Variants in LOC128462377 observed in about 807,000 individuals in gnomAD.
At chr16:89,396,366 G>A in the LOC128462377 span, among the ~76,000 whole-genome samples, 2 of 152,210 alleles carry the variant, frequency 1.3e-5, no homozygotes, top group African/African-American at 2.4e-5. Context: ...ACACACACGC[G>A]ACGGAGCCGC....
At chr16:89,407,299 C>T in the LOC128462377 span, among the ~76,000 whole-genome samples, 1 of 151,190 alleles carries the variant, frequency 6.6e-6, no homozygotes, top group Non-Finnish European at 1.5e-5. Context: ...ATAAGGAACA[C>T]GGGGGGAAAA....
At chr16:89,325,213 G>A in the LOC128462377 span, 1 of 152,278 alleles carries the variant, frequency 6.6e-6, no homozygotes, top group African/African-American at 2.4e-5. Context: ...CACAGCAGAG[G>A]AGGCAAACAC....
chr16:89,350,551 C>A, the LOC128462377 span, among the ~76,000 whole-genome samples: 2 of 152,166 alleles, frequency 1.3e-5, no homozygotes, highest in African/African-American at 4.8e-5. Context: ...ACACAAGAGT[C>A]CACACTCAAT....
chr16:89,415,456 G>A, the LOC128462377 span, among the ~76,000 whole-genome samples: 2 of 149,792 alleles, frequency 1.3e-5, no homozygotes, highest in African/African-American at 5.0e-5. Flanking sequence ...AGTAGAGACG[G>A]GGTTTCACCG....
the LOC128462377 span, chr16:89,324,660 C>T: frequency 2.7e-6 from 1 of 374,772 alleles, no homozygotes; most frequent in Non-Finnish European, 5.3e-6. Context: ...ATCTTTCTTC[C>T]ATGCTGGATA....
chr16:89,404,838 A>C, the LOC128462377 span, among the ~76,000 whole-genome samples: 50,549 of 152,184 alleles, frequency 0.33, 10,831 homozygotes, highest in Middle Eastern at 0.55. Flanking sequence ...CGCTGAATGT[A>C]CTACACAATA....
the LOC128462377 span, among the ~76,000 whole-genome samples, chr16:89,362,603 T>C: frequency 1.1e-3 from 169 of 152,166 alleles, no homozygotes; most frequent in African/African-American, 3.9e-3. Flanking sequence ...TAAAAATAAA[T>C]AGTAACTTCT....
the LOC128462377 span, among the ~76,000 whole-genome samples, chr16:89,403,466 G>A: frequency 6.6e-6 from 1 of 152,038 alleles, no homozygotes; most frequent in African/African-American, 2.4e-5. Context: ...GCGAGGCCCC[G>A]CGCTCTGGGA....
the LOC128462377 span, among the ~76,000 whole-genome samples, chr16:89,330,872 C>T: frequency 6.6e-6 from 1 of 152,146 alleles, no homozygotes; most frequent in Non-Finnish European, 1.5e-5. Flanking sequence ...TGATTAAAAC[C>T]TGGTAATTTG....
At chr16:89,339,038 C>T in the LOC128462377 span, among the ~76,000 whole-genome samples, 1,453 of 152,208 alleles carry the variant, frequency 9.5e-3, 33 homozygotes, top group African/African-American at 0.033. Flanking sequence ...TCCATCTGCT[C>T]GTGACCTGAG....
chr16:89,332,657 A>T, the LOC128462377 span, among the ~76,000 whole-genome samples: 2 of 152,206 alleles, frequency 1.3e-5, no homozygotes, highest in East Asian at 3.8e-4. Flanking sequence ...AAAGCAAACG[A>T]CAAACACAAC....
the LOC128462377 span, among the ~76,000 whole-genome samples, chr16:89,332,099 G>A: frequency 6.6e-6 from 1 of 151,968 alleles, no homozygotes; most frequent in African/African-American, 2.4e-5. Flanking sequence ...ACCAGACTGG[G>A]CAACATGGCA....
the LOC128462377 span, among the ~76,000 whole-genome samples, chr16:89,383,261 C>G: frequency 6.6e-6 from 1 of 152,166 alleles, no homozygotes; most frequent in Non-Finnish European, 1.5e-5. Context: ...TCAAGATAAC[C>G]GGCTCTGCCA....
At chr16:89,413,649 A>G in the LOC128462377 span, among the ~76,000 whole-genome samples, 1 of 152,236 alleles carries the variant, frequency 6.6e-6, no homozygotes, top group African/African-American at 2.4e-5. Context: ...AGGAAATGGA[A>G]GTGAACTCAC....
At chr16:89,393,283 G>A in the LOC128462377 span, among the ~76,000 whole-genome samples, 5 of 151,202 alleles carry the variant, frequency 3.3e-5, no homozygotes, top group African/African-American at 1.2e-4. Context: ...TTAAACTTTA[G>A]TTTCCTCTTT....
the LOC128462377 span, among the ~76,000 whole-genome samples, chr16:89,391,483 G>A: frequency 1.3e-5 from 2 of 152,172 alleles, no homozygotes; most frequent in African/African-American, 4.8e-5. Context: ...CCTGCTGCTG[G>A]GCAGAAAGCC....
At chr16:89,330,983 T>G in the LOC128462377 span, among the ~76,000 whole-genome samples, 1 of 152,242 alleles carries the variant, frequency 6.6e-6, no homozygotes, top group East Asian at 1.9e-4. Context: ...AGACGGAGTC[T>G]CACTTTGTCG....
chr16:89,367,890 G>A, the LOC128462377 span, among the ~76,000 whole-genome samples: 24 of 152,218 alleles, frequency 1.6e-4, no homozygotes, highest in Non-Finnish European at 3.5e-4. Context: ...TGTGGTACCG[G>A]CTACTCCAGA....
chr16:89,404,523 G>C, the LOC128462377 span, among the ~76,000 whole-genome samples: 1 of 152,222 alleles, frequency 6.6e-6, no homozygotes. Flanking sequence ...ACAGTTTGAA[G>C]GGTATGGGGT....
Sources: gnomAD v4.1 joint callset for allele counts (sites outside exome capture counted in the v4.1 genomes callset) on GRCh38, gnomAD v4.1.1 for gene constraint, MANE v1.5 for transcripts.